CP: variants seen among roughly 807,000 people sequenced by gnomAD.
The protein encoded by CP is caeruloplasmin.
A neutral mutation model predicts 122.4 loss-of-function variants in CP; 64 were observed. The observed-to-expected ratio is 0.52, with a 90% CI of 0.43 to 0.64. CP has a LOEUF of 0.64. Among genes scored for constraint, CP ranks in the 30% least tolerant of loss-of-function variants. The pLI is 0.00. For missense variants in CP, 1,167 were observed against 1,284.4 expected, an observed-to-expected ratio of 0.91 and a Z score of 1.40; for synonymous variants, 440 against 436.4, an observed-to-expected ratio of 1.01 and a Z score of -0.10.
intron 10 of CP, 136 bp from the exon 11 acceptor site, chr3:149,186,868 A>G (rs1005015663): frequency 2.6e-6 from 2 of 780,000 alleles, no homozygotes; most frequent in Non-Finnish European, 2.2e-6. Context: ...TTTATGTGTC[A>G]GGAGTATCCT....
intron 17 of CP, 87 bp downstream of exon 17, chr3:149,177,753 C>A: frequency 6.9e-7 from 1 of 1,453,004 alleles, no homozygotes; most frequent in Non-Finnish European, 9.7e-7. Context: ...AGCTTTTTTT[C>A]ATAAGTCTCT....
At chr3:149,167,170 A>T (rs1235325378) in intron 4 of CP, 1 of 1,613,878 alleles carries the variant, frequency 6.2e-7, no homozygotes, top group East Asian at 2.2e-5. Context: ...CAGTGCATAG[A>T]CATACTGTTA....
intron 1 of CP, among the ~76,000 whole-genome samples, chr3:149,215,225 T>C (rs1020507461): frequency 6.6e-6 from 1 of 152,244 alleles, no homozygotes. Flanking sequence ...GCATACATCA[T>C]GTCCTATTTT....
chr3:149,208,377 C>T (rs545153508), intron 4 of CP, among the ~76,000 whole-genome samples: 3 of 152,080 alleles, frequency 2.0e-5, no homozygotes, highest in Non-Finnish European at 4.4e-5. Flanking sequence ...CTTTTTATAA[C>T]AACTATTTTT....
At chr3:149,191,705 G>A (rs1726560069) in intron 9 of CP, among the ~76,000 whole-genome samples, 1 of 151,996 alleles carries the variant, frequency 6.6e-6, no homozygotes, top group Non-Finnish European at 1.5e-5. Context: ...ATATGAATCA[G>A]TTGGAAATTA....
chr3:149,176,357 G>T lies in CP; in HGVS notation c.3074C>A (p.Thr1025Asn). ...AGGTGTTCTTGGAAACATTTCTAGGGTTTGGTATGTTCCAGGGAAAATGTC... is the reference window on the plus strand; with the variant it reads ...AGGTGTTCTTGGAAACATTTCTAGGTTTTGGTATGTTCCAGGGAAAATGTC... ...VFDIFPGTYQ[T>N]LEMFPRTPGI... Residue 1025 changes from threonine to asparagine, a missense_variant, in exon 18 of 19, where the codon ACC becomes AAC. This residue lies in a region of CP where 525 missense variants were observed against 657.2 expected (regional missense o/e 0.80). Transcript: ENST00000264613. 6.2e-7 allele frequency: 1 copy of T among 1,613,062 alleles called. No homozygotes were observed. Among genetic ancestry groups the T allele is most frequent in the Non-Finnish European group, 8.5e-7 (1 of 1,179,152 alleles).
chr3:149,173,879 T>C (rs1725222081), intron 18 of CP, 149 bp from the exon 19 acceptor site: 3 of 478,758 alleles, frequency 6.3e-6, no homozygotes, highest in South Asian at 6.4e-5. Flanking sequence ...TAAAAATCTC[T>C]CATTCTATTG....
In CP at chr3:149,190,595, T is replaced by C. The variant is rs1375943720; in HGVS notation, c.1714-2393A>G. On this transcript the variant is annotated intron_variant, in intron 9 of 18. Coordinates refer to ENST00000264613, the MANE Select transcript of CP (RefSeq NM_000096.4). ...ATCACTTGAACCCAGCAGGTGGAGG[T>C]TGCAGTGAGCTGAGATCACACCACT... is the stretch of plus-strand genomic sequence containing the variant. 2.7e-5 allele frequency among the ~76,000 whole-genome samples: 4 copies of C among 147,412 alleles called. No individual in the cohort carries two copies. In the East Asian group the frequency reaches 5.9e-4, roughly 22 times the overall value.
intron 5 of CP, chr3:149,165,830 G>T: frequency 2.9e-6 from 1 of 346,344 alleles, no homozygotes; most frequent in South Asian, 2.3e-5. Flanking sequence ...TTTCTCCCAT[G>T]TTGGGAGACC....
At chr3:149,178,093 C>G in intron 16 of CP, 114 bp from the exon 17 acceptor site, 1 of 968,142 alleles carries the variant, frequency 1.0e-6, no homozygotes, top group Non-Finnish European at 1.6e-6. Context: ...TGTAATAGGA[C>G]TTATTTTACT....
chr3:149,211,928 C>G (rs1283989977), intron 2 of CP, among the ~76,000 whole-genome samples: 1 of 152,162 alleles, frequency 6.6e-6, no homozygotes, highest in African/African-American at 2.4e-5. Context: ...AATTCTCTCA[C>G]ATTCACACTT....
chr3:149,167,012 C>T (rs1184858884), intron 4 of CP: 1 of 1,579,864 alleles, frequency 6.3e-7, no homozygotes, highest in Non-Finnish European at 8.7e-7. Context: ...CATTTCATAA[C>T]ATTTCACTTT....
At chr3:149,179,847 ATGAAC>A in intron 14 of CP, 185 bp from the exon 15 acceptor site, 1 of 566,622 alleles carries the variant, frequency 1.8e-6, no homozygotes, top group Non-Finnish European at 3.1e-6. Context: ...TAGTTTTAAG[ATGAAC>A]TGGAAGACAA....
Position 149,173,598 on chromosome 3 carries a change from GTCT to G in CP, c.*113_*115del. ...AAATGTACAAAGTTGTATGCTTCCA[GTCT>G]TCTTTTAATGTTTATAGTCATTCCA... On this transcript the variant is annotated 3_prime_UTR_variant, in exon 19 of 19. Coordinates refer to ENST00000264613, the MANE Select transcript of CP (RefSeq NM_000096.4). 1 of 726,228 alleles carries G rather than the reference GTCT, an allele frequency of 1.4e-6. No homozygotes were observed. Among genetic ancestry groups the G allele is most frequent in the Non-Finnish European group, 2.3e-6 (1 of 434,958 alleles). 45.0% of individuals were successfully genotyped at this position (726,228 alleles called of 1,614,324 possible).
At chr3:149,208,315 A>G (rs1321326113) in intron 4 of CP, among the ~76,000 whole-genome samples, 1 of 152,174 alleles carries the variant, frequency 6.6e-6, no homozygotes, top group Non-Finnish European at 1.5e-5. Flanking sequence ...TGAGTGCACC[A>G]CATGTAACAC....
chr3:149,197,251 C>T (rs1009606543), intron 9 of CP, among the ~76,000 whole-genome samples: 3 of 152,112 alleles, frequency 2.0e-5, no homozygotes, highest in Non-Finnish European at 4.4e-5. Flanking sequence ...TTCACATGGA[C>T]GCGCATGAAA....
rs1451420320 is a variant in CP, at chr3:149,206,714, C to A, written c.1037-375G>T. ...GTTGCATTGGGTGGAGGAGGAGGTA[C>A]AAGGAGGAGGTACCAAATGAGCTTA... On this transcript the variant is annotated intron_variant, in intron 5 of 18. Coordinates refer to ENST00000264613, the MANE Select transcript of CP (RefSeq NM_000096.4). 5.3e-5 allele frequency among the ~76,000 whole-genome samples: 8 copies of A among 151,944 alleles called. No homozygotes were observed. The East Asian group carries it at 1.5e-3, about 29-fold the overall frequency.
At chr3:149,182,234 G>A (rs544243544) in intron 13 of CP, 101 bp from the exon 14 acceptor site, 1 of 1,359,064 alleles carries the variant, frequency 7.4e-7, no homozygotes, top group East Asian at 2.3e-5. Context: ...CCATGGGTTT[G>A]TGGTATAATA....
At chr3:149,178,292 T>C (rs1448856984) in intron 16 of CP, 123 bp downstream of exon 16, 2 of 774,346 alleles carry the variant, frequency 2.6e-6, no homozygotes, top group Non-Finnish European at 4.2e-6. Flanking sequence ...CTACCTGACA[T>C]ACAAAGTGAG....
Sources: allele counts gnomAD v4.1 joint callset (sites outside exome capture counted in the v4.1 genomes callset), GRCh38; gene constraint gnomAD v4.1.1; regional missense constraint gnomAD v4.1.1; transcripts MANE v1.5; gene names NCBI Gene and HGNC (gene_info 2026-07-23, HGNC 2026-07-21).